The following STAU1 variants were observed in gnomAD, a reference collection of about 807,000 sequenced individuals.
The protein encoded by STAU1 is staufen double-stranded RNA binding protein 1.
Under a neutral mutation model 62.9 loss-of-function variants are expected in STAU1, and 13 were observed. The observed-to-expected ratio is 0.21, with a 90% confidence interval of 0.13 to 0.33. The LOEUF (loss-of-function observed/expected upper bound fraction) is 0.33. STAU1 is among the 10% of genes least tolerant of loss of function. The probability of loss-of-function intolerance (pLI) is 1.00; values close to 1 mark genes in which losing one functional copy is unlikely to be tolerated. For missense variants in STAU1, 571 were observed against 712.1 expected (o/e 0.80, Z 2.25); for synonymous variants, 269 against 265.1 (o/e 1.01, Z -0.14).
chr20:49,151,484 G>A lies in STAU1; in HGVS notation c.510+98C>T, dbSNP rs1205596571. 26 of 1,258,930 alleles carry A rather than the reference G, an allele frequency of 2.1e-5. No homozygotes were observed. In the Admixed American group the frequency reaches 5.3e-4, roughly 26 times the overall value. The allele number at this position is 1,258,930 out of a possible 1,614,324, so 78.0% of individuals were successfully genotyped here. A position where few individuals can be genotyped will look rare whatever the true frequency, so the allele number is the denominator to read the frequency against. On this transcript the variant is annotated intron_variant, in intron 5 of 13. Coordinates refer to ENST00000371856, the MANE Select transcript of STAU1 (RefSeq NM_017453.4). ...ATTCAAATAAAAATTATGGACAGCT[G>A]TCAATGTGCCTTCTTAGAAAAGATA...
chr20:49,195,898 C>CAAAAAAAAAAAAAAAAAAAAAAAAA, the STAU1 span, among the ~76,000 whole-genome samples: 2 of 33,844 alleles, frequency 5.9e-5, no homozygotes, highest in East Asian at 1.8e-3. Context: ...AACTTCCTCT[C>CAAAAAAAAAAAAAAAAAAAAAAAAA]AAAAAAAAAA....
rs61756201 is a variant in STAU1 at position 49,151,627 on chromosome 20, T to C, written c.465A>G (p.Lys155=). ...GCTCATTCTGCAGGATCCTCAACGC[T>C]TTGGCAGCAGCATCGTGTTTCGCAG... The part of the protein sequence containing the change: ...RQAAKHDAAA[K]ALRILQNEPL... The change falls in exon 5 of 14, where the codon AAA becomes AAG. Residue 155 remains lysine (K), a synonymous_variant. Transcript: ENST00000371856. The C allele has an allele frequency of 2.5e-3, 4,032 of 1,612,224 alleles. 11 individuals are homozygous for C. The highest frequency in any genetic ancestry group is 3.2e-3 in the Non-Finnish European group (3,727 of 1,179,304).
intron 5 of STAU1, among the ~76,000 whole-genome samples, chr20:49,147,326 C>G (rs566759286): frequency 1.3e-5 from 2 of 152,216 alleles, no homozygotes; most frequent in Non-Finnish European, 2.9e-5. Flanking sequence ...GGGTCTAGCA[C>G]AGCGCCTGGC....
At chr20:49,196,427 T>C in the STAU1 span, among the ~76,000 whole-genome samples, 1 of 128,908 alleles carries the variant, frequency 7.8e-6, no homozygotes. Flanking sequence ...ACAGCGAGAC[T>C]CCGTCTCAAA....
chr20:49,116,567 G>A (rs2092330038), intron 12 of STAU1, among the ~76,000 whole-genome samples: 1 of 151,984 alleles, frequency 6.6e-6, no homozygotes, highest in African/African-American at 2.4e-5. Context: ...TTGAACTCCT[G>A]AGCTCAGGTG....
the STAU1 span, among the ~76,000 whole-genome samples, chr20:49,218,840 G>A: frequency 2.0e-5 from 3 of 151,588 alleles, no homozygotes; most frequent in African/African-American, 4.8e-5. Context: ...CCAGGAGTTC[G>A]ACACCAGCCT....
intron 2 of STAU1, among the ~76,000 whole-genome samples, chr20:49,167,340 A>AT (rs942923612): frequency 2.0e-5 from 3 of 152,052 alleles, no homozygotes; most frequent in African/African-American, 7.2e-5. Context: ...AGTTACTTTA[A>AT]TTTTTTTTAA....
At chr20:49,211,036 T>C in the STAU1 span, among the ~76,000 whole-genome samples, 4 of 152,156 alleles carry the variant, frequency 2.6e-5, no homozygotes, top group Non-Finnish European at 4.4e-5. Context: ...AGGATTTACC[T>C]ATTCTAGATA....
At chr20:49,134,467 G>A (rs1204365958) in intron 6 of STAU1, 8 of 694,602 alleles carry the variant, frequency 1.2e-5, no homozygotes, top group Middle Eastern at 5.1e-4. Flanking sequence ...GTTGAAACCC[G>A]GGCGCCGCCA....
chr20:49,159,040 CAA>C (rs2093410451), intron 3 of STAU1: 1 of 1,270,042 alleles, frequency 7.9e-7, no homozygotes, highest in African/African-American at 1.6e-5. Flanking sequence ...AGCATGAACT[CAA>C]AACCCTGGCA....
chr20:49,154,944 G>C (rs1195795387), intron 3 of STAU1, among the ~76,000 whole-genome samples: 1 of 152,168 alleles, frequency 6.6e-6, no homozygotes, highest in Non-Finnish European at 1.5e-5. Context: ...AAATTAGCCA[G>C]GCATGGTGGC....
chr20:49,180,403 A>C (rs2146571623), intron 1 of STAU1, among the ~76,000 whole-genome samples: 1 of 151,596 alleles, frequency 6.6e-6, no homozygotes, highest in South Asian at 2.1e-4. Context: ...AGGTCACTGC[A>C]AACTCCACCT....
chr20:49,126,394 T>G (rs996040351), intron 6 of STAU1, among the ~76,000 whole-genome samples: 3 of 150,452 alleles, frequency 2.0e-5, no homozygotes, highest in African/African-American at 7.4e-5. Flanking sequence ...AGACCTTGAC[T>G]CTACAAAAAT....
At chr20:49,164,967 T>TA (rs1249448392) in intron 3 of STAU1, among the ~76,000 whole-genome samples, 2 of 152,216 alleles carry the variant, frequency 1.3e-5, no homozygotes, top group Non-Finnish European at 2.9e-5. Context: ...TTGCTTGGGA[T>TA]AAAATCTTAC....
chr20:49,173,169 A>C (rs1368594283), intron 2 of STAU1, among the ~76,000 whole-genome samples: 1 of 149,208 alleles, frequency 6.7e-6, no homozygotes, highest in African/African-American at 2.4e-5. Context: ...TAAAAAGAAA[A>C]GCATTAGGCC....
In STAU1 at chr20:49,120,083, T is replaced by C; in HGVS notation, c.1012A>G (p.Lys338Glu). The C allele has an allele frequency of 6.2e-7, 1 of 1,614,194 alleles. No homozygotes were observed. Among genetic ancestry groups the C allele is most frequent in the Non-Finnish European group, 8.5e-7 (1 of 1,180,022 alleles). Residue 338 changes from lysine (K) to glutamate (E), a missense_variant, in exon 9 of 14, where the codon AAG becomes GAG. This residue lies in a region of STAU1 where 414 missense variants were observed against 499.6 expected (regional missense o/e 0.83). Coordinates refer to ENST00000371856, the MANE Select transcript of STAU1 (RefSeq NM_017453.4). ...TCGGCTGCATTGCGCTTGGCCACCT[T>C]CTTGTTGGTGCCCGTTCCTTCTGCA... is the stretch of plus-strand genomic sequence containing the variant. ...HTAEGTGTNK[K>E]VAKRNAAENM...
the STAU1 span, among the ~76,000 whole-genome samples, chr20:49,204,797 C>T: frequency 2.0e-5 from 3 of 150,498 alleles, no homozygotes; most frequent in Admixed American, 6.7e-5. Context: ...TACAGGCACC[C>T]GCCACCATGC....
At chr20:49,212,576 A>AT in the STAU1 span, among the ~76,000 whole-genome samples, 31 of 111,194 alleles carry the variant, frequency 2.8e-4, no homozygotes, top group African/African-American at 9.9e-4. Flanking sequence ...AGTTGTTTAT[A>AT]TTTTCTGGAT....
chr20:49,166,533 G>A (rs917802486), intron 2 of STAU1, among the ~76,000 whole-genome samples: 1 of 152,118 alleles, frequency 6.6e-6, no homozygotes, highest in Non-Finnish European at 1.5e-5. Flanking sequence ...ATTATACAAA[G>A]AGAATCAGTA....
Sources: gnomAD v4.1 joint callset for allele counts (sites outside exome capture counted in the v4.1 genomes callset) on GRCh38, gnomAD v4.1.1 for gene constraint, gnomAD v4.1.1 regional missense constraint, MANE v1.5 for transcripts, NCBI Gene and HGNC (gene_info 2026-07-23, HGNC 2026-07-21) for gene names.